The following FGF12 variants were observed in gnomAD, a reference collection of about 807,000 sequenced individuals.
FGF12 encodes fibroblast growth factor 12B.
In FGF12, 14 loss-of-function variants were observed where a neutral mutation model predicts 23.6. The ratio of observed to expected loss-of-function variants is 0.59; its 90% CI spans 0.39 to 0.93. The LOEUF (loss-of-function observed/expected upper bound fraction) is 0.93. Among genes scored for constraint, FGF12 ranks in the 40% least tolerant of loss-of-function variants. The pLI is 0.00. For missense variants in FGF12, 175 were observed against 217.8 expected (o/e 0.80, Z 1.24); for synonymous variants, 62 against 77.3 (o/e 0.80, Z 1.04).
chr3:192,494,872 TC>T (rs1723903291), intron 2 of FGF12, among the ~76,000 whole-genome samples: 1 of 151,440 alleles, frequency 6.6e-6, no homozygotes, highest in African/African-American at 2.5e-5. Context: ...AATACATTTT[TC>T]TTTTTGAGAT....
chr3:192,190,770 C>G (rs924965490), intron 4 of FGF12, among the ~76,000 whole-genome samples: 3 of 152,038 alleles, frequency 2.0e-5, no homozygotes, highest in Admixed American at 2.0e-4. Context: ...CCACCGCGCC[C>G]GGCCCCAATA....
intron 4 of FGF12, among the ~76,000 whole-genome samples, chr3:192,236,193 C>G (rs1259495850): frequency 6.6e-6 from 1 of 151,990 alleles, no homozygotes; most frequent in Non-Finnish European, 1.5e-5. Context: ...GTATTGATTT[C>G]TATTCTTATT....
chr3:192,409,675 G>A lies in FGF12; in HGVS notation c.14-49137C>T, dbSNP rs954335407. On this transcript the variant is annotated intron_variant, in intron 2 of 5. Transcript: ENST00000445105. This position sits in a 1 kb window ranked among gnomAD's most constrained non-coding sequence, Gnocchi z 4.8. ...CTGCAGGCGATGTTGGCTCGCGGCGGCTGAGGCTCCTGGCCGGAGCTGCCC... is the reference window on the plus strand; with the variant it reads ...CTGCAGGCGATGTTGGCTCGCGGCGACTGAGGCTCCTGGCCGGAGCTGCCC... Among the ~76,000 whole-genome samples the A allele has an allele frequency of 1.3e-5, 2 of 152,192 alleles. No individual in the cohort carries two copies. Among genetic ancestry groups the A allele is most frequent in the Non-Finnish European group, 2.9e-5 (2 of 68,020 alleles).
At chr3:192,453,636 G>T (rs919472758) in intron 2 of FGF12, among the ~76,000 whole-genome samples, 1 of 152,126 alleles carries the variant, frequency 6.6e-6, no homozygotes, top group African/African-American at 2.4e-5. Flanking sequence ...TTCCTTCAGA[G>T]AATATTTGCA....
intron 2 of FGF12, among the ~76,000 whole-genome samples, chr3:192,450,636 C>T (rs1401484537): frequency 1.3e-5 from 2 of 152,164 alleles, no homozygotes; most frequent in Admixed American, 1.3e-4. Context: ...CATCAAGAGT[C>T]ATTCACTTAG....
intron 4 of FGF12, among the ~76,000 whole-genome samples, chr3:192,207,590 G>A (rs545406060): frequency 6.6e-6 from 1 of 152,308 alleles, no homozygotes; most frequent in East Asian, 1.9e-4. Context: ...ATGGCATGTA[G>A]GGGGAATACC....
intron 2 of FGF12, among the ~76,000 whole-genome samples, chr3:192,464,537 TGTG>T (rs1722955240): frequency 6.7e-6 from 1 of 150,336 alleles, no homozygotes; most frequent in African/African-American, 2.5e-5. Context: ...TGTGTGTGTG[TGTG>T]TGTGTATGAC....
intron 4 of FGF12, among the ~76,000 whole-genome samples, chr3:192,198,490 C>T (rs997443536): frequency 1.3e-5 from 2 of 152,042 alleles, no homozygotes; most frequent in Non-Finnish European, 2.9e-5. Context: ...GCTGCTTTAC[C>T]TTTCATGACC....
intron 2 of FGF12, among the ~76,000 whole-genome samples, chr3:192,472,970 G>A (rs1456467667): frequency 6.6e-6 from 1 of 152,140 alleles, no homozygotes; most frequent in East Asian, 1.9e-4. Flanking sequence ...CTCTCCCTAT[G>A]TCTCTCTCCT....
chr3:192,368,675 T>A (rs1205175333), intron 2 of FGF12, among the ~76,000 whole-genome samples: 1 of 152,178 alleles, frequency 6.6e-6, no homozygotes, highest in East Asian at 1.9e-4. Flanking sequence ...AGTTTTTTTT[T>A]TCATTTTCTT....
intron 5 of FGF12, among the ~76,000 whole-genome samples, chr3:192,166,998 A>G (rs957147701): frequency 6.6e-6 from 1 of 152,090 alleles, no homozygotes; most frequent in African/African-American, 2.4e-5. Context: ...TCAATAACAT[A>G]AAGTAAAAAC....
intron 2 of FGF12, among the ~76,000 whole-genome samples, chr3:192,633,402 A>C (rs1040093539): frequency 1.3e-5 from 2 of 152,080 alleles, no homozygotes; most frequent in African/African-American, 4.8e-5. Flanking sequence ...ATATGGCTTC[A>C]TCTTAATTCA....
rs144207605 is a variant in FGF12 at position 192,716,392 on chromosome 3, G to GA, written c.13+10788dup. 6.2e-3 allele frequency among the ~76,000 whole-genome samples: 946 copies of GA among 152,048 alleles called. 7 individuals are homozygous for GA. Among genetic ancestry groups the GA allele is most frequent in the African/African-American group, 0.022 (897 of 41,466 alleles). ...GACTTCATTGTAAGCCAGATAATGGGAAAAAAATAGTAAAACTATGATTTA... is the reference window on the plus strand; with the variant it reads ...GACTTCATTGTAAGCCAGATAATGGGAAAAAAAATAGTAAAACTATGATTTA... On this transcript the variant is annotated intron_variant, in intron 2 of 5. Coordinates refer to ENST00000445105, the MANE Select transcript of FGF12 (RefSeq NM_004113.6).
chr3:192,426,774 T>C (rs1476463340), intron 2 of FGF12, among the ~76,000 whole-genome samples: 2 of 152,224 alleles, frequency 1.3e-5, no homozygotes, highest in African/African-American at 2.4e-5. Flanking sequence ...ACATAAGTAG[T>C]ATCAGGATTT....
intron 2 of FGF12, among the ~76,000 whole-genome samples, chr3:192,583,919 G>A (rs1448156015): frequency 1.3e-5 from 2 of 152,156 alleles, no homozygotes; most frequent in Non-Finnish European, 2.9e-5. Context: ...AGCCTGCTGA[G>A]CTGTTGTGAA....
Position 192,146,272 on chromosome 3 carries a change from A to ATTTTT in FGF12, c.428-2150_428-2146dup, listed in dbSNP as rs10676941. Among the ~76,000 whole-genome samples, 448 of 143,260 alleles carry ATTTTT rather than the reference A, an allele frequency of 3.1e-3. 4 individuals carry two copies. Among genetic ancestry groups the ATTTTT allele is most frequent in the African/African-American group, 0.011 (430 of 38,198 alleles). The allele number at this position is 143,260 out of a possible 152,430, so 94.0% of individuals were successfully genotyped here. A position where few individuals can be genotyped will look rare whatever the true frequency, so the allele number is the denominator to read the frequency against. ...TTTTCTAATTTTCATTAAAGTGTATATTTTTTTTTTTTTTTTGAGACGGAG... is the reference window on the plus strand; with the variant it reads ...TTTTCTAATTTTCATTAAAGTGTATATTTTTTTTTTTTTTTTTTTTTGAGACGGAG... On this transcript the variant is annotated intron_variant, in intron 5 of 5. Coordinates refer to ENST00000445105, the MANE Select transcript of FGF12 (RefSeq NM_004113.6).
intron 2 of FGF12, among the ~76,000 whole-genome samples, chr3:192,524,852 G>A (rs1050771430): frequency 1.7e-4 from 26 of 149,662 alleles, no homozygotes; most frequent in African/African-American, 5.8e-4. Context: ...TCTTAAACCC[G>A]AGTGCTGCCT....
chr3:192,481,286 T>A (rs981565303), intron 2 of FGF12, among the ~76,000 whole-genome samples: 1 of 151,992 alleles, frequency 6.6e-6, no homozygotes, highest in Non-Finnish European at 1.5e-5. Context: ...AAAAAGAGCA[T>A]AAATAGCTTG....
chr3:192,628,671 T>C (rs1715272306), intron 2 of FGF12, among the ~76,000 whole-genome samples: 1 of 149,662 alleles, frequency 6.7e-6, no homozygotes, highest in Admixed American at 6.7e-5. Flanking sequence ...AATATATACA[T>C]TAAAAAAGTA....
Sources: allele counts gnomAD v4.1 joint callset (sites outside exome capture counted in the v4.1 genomes callset), GRCh38; gene constraint gnomAD v4.1.1; non-coding constraint Gnocchi (gnomAD v3.1); transcripts MANE v1.5; gene names NCBI Gene and HGNC (gene_info 2026-07-23, HGNC 2026-07-21).